The following KIF26B variants were observed in gnomAD, a reference collection of about 807,000 sequenced individuals.
KIF26B encodes the protein kinesin-like protein KIF26B.
In KIF26B, 63 loss-of-function variants were observed where a neutral mutation model predicts 151.2. That is an observed-to-expected ratio of 0.42 (90% CI 0.34 to 0.51). The LOEUF is 0.51. Ranked by LOEUF, KIF26B falls within the 20% of genes least tolerant of loss-of-function variation. The pLI is 0.07. For synonymous variants in KIF26B, 1,357 were observed against 1,262.1 expected (o/e 1.08, Z -1.59); for missense variants, 2,813 against 2,913.6 (o/e 0.97, Z 0.79).
chr1:245,352,608 A>C lies in KIF26B; in HGVS notation c.466-14226A>C, dbSNP rs1036380382. On this transcript the variant is annotated intron_variant, in intron 2 of 14. Coordinates refer to ENST00000407071, the MANE Select transcript of KIF26B (RefSeq NM_018012.4). The surrounding 1 kb of genome is among the most constrained non-coding windows in gnomAD (Gnocchi z 5.0). The stretch of plus-strand genomic sequence containing the variant: ...GTCACCTGGGAAATACTTGGAGTAC[A>C]GTTTTGTCATTTTAATCCTTTTTTG... Among the ~76,000 whole-genome samples, 1 of 152,190 alleles carries C rather than the reference A, an allele frequency of 6.6e-6. No homozygotes were observed. The highest frequency in any genetic ancestry group is 6.5e-5 in the Admixed American group (1 of 15,278).
At chr1:245,221,733 T>C (rs748389661) in intron 2 of KIF26B, among the ~76,000 whole-genome samples, 8 of 152,230 alleles carry the variant, frequency 5.3e-5, no homozygotes, top group Non-Finnish European at 1.2e-4. Context: ...TTATACTTTG[T>C]GTTTGCATTC....
At chr1:245,268,313 A>G (rs1188287505) in intron 2 of KIF26B, among the ~76,000 whole-genome samples, 1 of 151,810 alleles carries the variant, frequency 6.6e-6, no homozygotes, top group African/African-American at 2.4e-5. Flanking sequence ...ACTAAAAAAT[A>G]CAAAAAAAAT....
At chr1:245,416,375 G>A (rs1303136005) in intron 3 of KIF26B, among the ~76,000 whole-genome samples, 8 of 151,902 alleles carry the variant, frequency 5.3e-5, no homozygotes, top group Non-Finnish European at 8.8e-5. Context: ...GAAAATTTAC[G>A]TAGATACACG....
chr1:245,485,414 C>T (rs1460596573), intron 4 of KIF26B, among the ~76,000 whole-genome samples: 5 of 126,096 alleles, frequency 4.0e-5, no homozygotes, highest in Admixed American at 1.8e-4. Flanking sequence ...GACAAAGTTT[C>T]GCTCTGTCAC....
intron 2 of KIF26B, among the ~76,000 whole-genome samples, chr1:245,289,433 T>C (rs543069795): frequency 2.6e-5 from 4 of 152,344 alleles, no homozygotes; most frequent in South Asian, 2.1e-4. Flanking sequence ...TATTATTAGC[T>C]ACCCTTTGCC....
At chr1:245,455,743 T>C (rs1320718275) in intron 4 of KIF26B, among the ~76,000 whole-genome samples, 1 of 152,158 alleles carries the variant, frequency 6.6e-6, no homozygotes, top group Non-Finnish European at 1.5e-5. Context: ...TGAGCAATGC[T>C]AGACTCTTGG....
At chr1:245,357,230 A>G (rs1042802155) in intron 2 of KIF26B, among the ~76,000 whole-genome samples, 1 of 152,206 alleles carries the variant, frequency 6.6e-6, no homozygotes, top group African/African-American at 2.4e-5. Flanking sequence ...CAGATTTAAG[A>G]TTGAAAAGGA....
Position 245,516,637 on chromosome 1 carries a change from A to G in KIF26B, c.1167-24130A>G, listed in dbSNP as rs1242745843. Among the ~76,000 whole-genome samples the G allele has an allele frequency of 2.6e-5, 4 of 151,756 alleles. No homozygotes were observed. The highest frequency in any genetic ancestry group is 5.9e-5 in the Non-Finnish European group (4 of 67,942). On this transcript the variant is annotated intron_variant, in intron 4 of 14. Coordinates refer to ENST00000407071, the MANE Select transcript of KIF26B (RefSeq NM_018012.4). The surrounding 1 kb of genome is among the most constrained non-coding windows in gnomAD (Gnocchi z 4.2). ...CTGCTGTGTCTTGGTGGGGGTGGAG[A>G]TGTGGGGTGAAGTAATGAGCCCGCA...
intron 5 of KIF26B, among the ~76,000 whole-genome samples, chr1:245,579,246 A>C (rs939789256): frequency 6.6e-6 from 1 of 152,244 alleles, no homozygotes; most frequent in South Asian, 2.1e-4. Context: ...CAGTTAAACG[A>C]AGAACATTCT....
chr1:245,417,858 G>A (rs536672222), intron 3 of KIF26B, among the ~76,000 whole-genome samples: 1 of 151,698 alleles, frequency 6.6e-6, no homozygotes, highest in South Asian at 2.1e-4. Flanking sequence ...TTGTGCATAA[G>A]GAATCCCTTC....
chr1:245,177,799 C>T (rs116445763), intron 2 of KIF26B, among the ~76,000 whole-genome samples: 2,203 of 152,124 alleles, frequency 0.014, 59 homozygotes, highest in African/African-American at 0.049. Flanking sequence ...AAAATGCTCT[C>T]CTGAACCTCT....
intron 2 of KIF26B, among the ~76,000 whole-genome samples, chr1:245,364,178 C>T (rs1388675315): frequency 6.6e-6 from 1 of 152,126 alleles, no homozygotes; most frequent in Non-Finnish European, 1.5e-5. Context: ...CCAAAGTCTC[C>T]GCTTGTTAAA....
chr1:245,424,689 A>G (rs1445262125), intron 4 of KIF26B, among the ~76,000 whole-genome samples: 1 of 152,238 alleles, frequency 6.6e-6, no homozygotes, highest in Non-Finnish European at 1.5e-5. Context: ...GTTTAGAAAC[A>G]TCTGCTGATG....
At chr1:245,238,457 T>C (rs1340345162) in intron 2 of KIF26B, among the ~76,000 whole-genome samples, 2 of 152,196 alleles carry the variant, frequency 1.3e-5, no homozygotes, top group Non-Finnish European at 2.9e-5. Flanking sequence ...AAATTTTCCA[T>C]ATCGTGTTGC....
chr1:245,659,887 GA>G (rs201409105), intron 10 of KIF26B, among the ~76,000 whole-genome samples: 21,083 of 130,288 alleles, frequency 0.16, 1,901 homozygotes, highest in East Asian at 0.45. Context: ...AAAAATACAA[GA>G]AAAAAAAAAA....
chr1:245,336,554 C>T (rs1672237539), intron 2 of KIF26B, among the ~76,000 whole-genome samples: 1 of 152,188 alleles, frequency 6.6e-6, no homozygotes, highest in African/African-American at 2.4e-5. Flanking sequence ...AAAAGGTTCT[C>T]TCTGGAATAA....
chr1:245,260,307 T>C (rs1670610168), intron 2 of KIF26B, among the ~76,000 whole-genome samples: 1 of 152,136 alleles, frequency 6.6e-6, no homozygotes, highest in Admixed American at 6.5e-5. Context: ...AAGAGCATAA[T>C]GTAATTCAGG....
At chr1:245,342,149 T>C (rs1412121968) in intron 2 of KIF26B, among the ~76,000 whole-genome samples, 3 of 152,194 alleles carry the variant, frequency 2.0e-5, no homozygotes, top group Non-Finnish European at 4.4e-5. Flanking sequence ...GAGCCCTGGA[T>C]GGATGGTGAT....
chr1:245,214,707 G>T (rs570700685), intron 2 of KIF26B, among the ~76,000 whole-genome samples: 15 of 152,102 alleles, frequency 9.9e-5, no homozygotes, highest in Non-Finnish European at 2.1e-4. Context: ...GGGCTTGGTG[G>T]TGCGCACCTG....
Sources: gnomAD v4.1 joint callset for allele counts (sites outside exome capture counted in the v4.1 genomes callset) on GRCh38, gnomAD v4.1.1 for gene constraint, Gnocchi (gnomAD v3.1) non-coding constraint, MANE v1.5 for transcripts, NCBI Gene and HGNC (gene_info 2026-07-23, HGNC 2026-07-21) for gene names.